MAN1C1: variants seen among roughly 807,000 people sequenced by gnomAD.
MAN1C1 encodes mannosidase alpha class 1C member 1.
MAN1C1 carries 49 observed loss-of-function variants against 71.5 expected under a neutral mutation model. That is an observed-to-expected ratio of 0.69 (90% CI 0.54 to 0.87). MAN1C1 has a LOEUF of 0.87. MAN1C1 is among the 40% of genes least tolerant of loss of function. The probability of loss-of-function intolerance (pLI) is 0.00; values close to 1 mark genes in which losing one functional copy is unlikely to be tolerated. For missense variants in MAN1C1, 743 were observed against 835.0 expected (o/e 0.89, Z 1.36); for synonymous variants, 352 against 343.7 (o/e 1.02, Z -0.27).
Position 25,763,908 on chromosome 1 carries a change from A to G in MAN1C1, c.1082A>G (p.Glu361Gly). 1 of 1,613,920 alleles carries G rather than the reference A, an allele frequency of 6.2e-7. No homozygotes were observed. The highest frequency in any genetic ancestry group is 8.5e-7 in the Non-Finnish European group (1 of 1,180,002). ...RNIRKVLRKI[E>G]KPFGLYPNFL... Reference sequence around the variant, plus strand: ...ATCCGCAAGGTCCTCAGGAAGATCGAAAAGCCCTTTGGCCTCTACCCCAAC... The same window carrying G: ...ATCCGCAAGGTCCTCAGGAAGATCGGAAAGCCCTTTGGCCTCTACCCCAAC... The change falls in exon 7 of 12, where the codon GAA (glutamate) becomes GGA (glycine). Residue 361 changes from glutamate (E) to glycine (G), a missense_variant. Glu to Gly is a moderately conservative substitution (Grantham distance 98, BLOSUM62 -2). Coordinates refer to ENST00000374332, the MANE Select transcript of MAN1C1 (RefSeq NM_020379.4).
intron 1 of MAN1C1, among the ~76,000 whole-genome samples, chr1:25,655,071 G>A (rs2045745381): frequency 6.6e-6 from 1 of 152,172 alleles, no homozygotes; most frequent in Non-Finnish European, 1.5e-5. Context: ...CATCATGTGT[G>A]CTTGTGCTTT....
chr1:25,695,301 A>C (rs1200042611), intron 2 of MAN1C1, among the ~76,000 whole-genome samples: 2 of 152,138 alleles, frequency 1.3e-5, no homozygotes, highest in African/African-American at 4.8e-5. Context: ...CCTGGTAGTC[A>C]CATGCTTTGA....
rs558360655 is a variant in MAN1C1, at chr1:25,619,383, A to G, written c.540+1046A>G. Among the ~76,000 whole-genome samples, 9 of 152,330 alleles carry G rather than the reference A, an allele frequency of 5.9e-5. No individual in the cohort carries two copies. In the South Asian group the frequency reaches 1.9e-3, roughly 32 times the overall value. On this transcript the variant is annotated intron_variant, in intron 1 of 11. Transcript: ENST00000374332. ...CTTCTTGATTTGCTGCGAAGAAGTC[A>G]GCAGTTCGACCCTGATTTCCAGGAA...
intron 1 of MAN1C1, chr1:25,658,849 GC>G (rs1282845037): frequency 2.6e-5 from 4 of 152,748 alleles, no homozygotes; most frequent in Admixed American, 6.5e-5. Context: ...GACGCCCCCA[GC>G]CCGTGCAGTT....
At chr1:25,681,894 C>T (rs538108597) in intron 1 of MAN1C1, among the ~76,000 whole-genome samples, 10 of 151,872 alleles carry the variant, frequency 6.6e-5, no homozygotes, top group African/African-American at 2.2e-4. Context: ...AATGATGATC[C>T]GTAGGAGCCA....
chr1:25,701,463 T>G (rs1307423684), intron 2 of MAN1C1, among the ~76,000 whole-genome samples: 1 of 152,204 alleles, frequency 6.6e-6, no homozygotes, highest in South Asian at 2.1e-4. Context: ...TGCTCAGGCC[T>G]GCACACCTGG....
intron 7 of MAN1C1, among the ~76,000 whole-genome samples, chr1:25,770,827 C>T (rs986233797): frequency 3.3e-5 from 5 of 150,662 alleles, no homozygotes; most frequent in South Asian, 2.1e-4. Context: ...TCTTTCTTCT[C>T]TCTGTCTCTC....
At chr1:25,673,134 A>G (rs1475945838) in intron 1 of MAN1C1, among the ~76,000 whole-genome samples, 1 of 152,154 alleles carries the variant, frequency 6.6e-6, no homozygotes, top group Non-Finnish European at 1.5e-5. Context: ...AGGAGACTTG[A>G]GAGGACTTGG....
At chr1:25,621,197 T>C (rs2045202503) in intron 1 of MAN1C1, among the ~76,000 whole-genome samples, 1 of 152,218 alleles carries the variant, frequency 6.6e-6, no homozygotes, top group Admixed American at 6.5e-5. Context: ...TTCCGAACTC[T>C]GTTTTGAGAT....
intron 2 of MAN1C1, among the ~76,000 whole-genome samples, chr1:25,720,890 A>G (rs2046753535): frequency 6.6e-6 from 1 of 152,130 alleles, no homozygotes; most frequent in Non-Finnish European, 1.5e-5. Flanking sequence ...TTGCATGTGG[A>G]TATCCAATTG....
At chr1:25,629,550 C>T (rs1009802920) in intron 1 of MAN1C1, among the ~76,000 whole-genome samples, 7 of 152,058 alleles carry the variant, frequency 4.6e-5, no homozygotes, top group African/African-American at 1.7e-4. Flanking sequence ...ATTCTCCTAC[C>T]TCGGGATCAC....
At chr1:25,721,711 A>G (rs2046768607) in intron 2 of MAN1C1, among the ~76,000 whole-genome samples, 1 of 152,226 alleles carries the variant, frequency 6.6e-6, no homozygotes, top group Admixed American at 6.5e-5. Context: ...TCATCTGCAA[A>G]CAGATCGTTT....
intron 6 of MAN1C1, among the ~76,000 whole-genome samples, chr1:25,761,842 C>T (rs1326936510): frequency 1.3e-5 from 2 of 151,880 alleles, no homozygotes; most frequent in Non-Finnish European, 2.9e-5. Context: ...AGGCTGGTCT[C>T]GAACTCCTGA....
At chr1:25,661,950 A>AT (rs138153196) in intron 1 of MAN1C1, among the ~76,000 whole-genome samples, 1 of 152,132 alleles carries the variant, frequency 6.6e-6, no homozygotes, top group Non-Finnish European at 1.5e-5. Flanking sequence ...CCCTTGAGGA[A>AT]TTTTTTTAAC....
At position 25,700,876 on chromosome 1, in the gene MAN1C1, G is replaced by A. The variant is rs146713535; in HGVS notation, c.637+14340G>A. Among the ~76,000 whole-genome samples the A allele has an allele frequency of 7.0e-3, 1,068 of 152,312 alleles. 7 individuals carry two copies. The highest frequency in any genetic ancestry group is 0.014 in the Middle Eastern group (4 of 294). On this transcript the variant is annotated intron_variant, in intron 2 of 11. Coordinates refer to ENST00000374332, the MANE Select transcript of MAN1C1 (RefSeq NM_020379.4). ...TGCAGATGGGGTTGGGGTGGGAGGC[G>A]GGGAATGCAGGCTTGGAAGGAAGAG...
chr1:25,699,019 A>C (rs1275728235), intron 2 of MAN1C1, among the ~76,000 whole-genome samples: 1 of 151,106 alleles, frequency 6.6e-6, no homozygotes, highest in Non-Finnish European at 1.5e-5. Flanking sequence ...ATGAAGAAGC[A>C]TGAAAGGCTG....
chr1:25,679,948 AAAATAT>A (rs1479527848), intron 1 of MAN1C1, among the ~76,000 whole-genome samples: 323 of 118,604 alleles, frequency 2.7e-3, no homozygotes, highest in Non-Finnish European at 4.3e-3. Flanking sequence ...AAAAAAAAAA[AAAATAT>A]ATATATATAT....
chr1:25,619,281 GTCTCCTCCCTAGAAACGAGAGGATGCTC>G (rs1415986934), intron 1 of MAN1C1, among the ~76,000 whole-genome samples: 1 of 152,182 alleles, frequency 6.6e-6, no homozygotes, highest in Non-Finnish European at 1.5e-5. Flanking sequence ...GTGGGCCAGG[GTCTCCTCCCTAGAAACGAGAGGATGCTC>G]TCCCCTCCCC....
At chr1:25,633,216 A>G (rs950671506) in intron 1 of MAN1C1, among the ~76,000 whole-genome samples, 1 of 152,176 alleles carries the variant, frequency 6.6e-6, no homozygotes, top group Non-Finnish European at 1.5e-5. Context: ...GTCCTATCAT[A>G]TGGTCTATCT....
Sources: gnomAD v4.1 joint callset for allele counts (sites outside exome capture counted in the v4.1 genomes callset) on GRCh38, gnomAD v4.1.1 for gene constraint, MANE v1.5 for transcripts, NCBI Gene and HGNC (gene_info 2026-07-23, HGNC 2026-07-21) for gene names.